The following MAP6 variants were observed in gnomAD, a reference collection of about 807,000 sequenced individuals.
MAP6 encodes the protein microtubule-associated protein 6.
MAP6 carries 26 observed loss-of-function variants against 42.4 expected under a neutral mutation model. The observed-to-expected ratio is 0.61, with a 90% CI of 0.45 to 0.85. MAP6 has a LOEUF of 0.85. Ranked by LOEUF, MAP6 falls within the 40% of genes least tolerant of loss-of-function variation. MAP6 has a pLI of 0.00. For synonymous variants in MAP6, 418 were observed against 443.8 expected, an observed-to-expected ratio of 0.94 and a Z score of 0.73; for missense variants, 966 against 1,099.0, an observed-to-expected ratio of 0.88 and a Z score of 1.71.
chr11:75,666,606 A>G (rs1013778852), intron 1 of MAP6, among the ~76,000 whole-genome samples: 1 of 152,248 alleles, frequency 6.6e-6, no homozygotes, highest in Non-Finnish European at 1.5e-5. Flanking sequence ...ACCAAGATGT[A>G]CTAATTACCA....
intron 1 of MAP6, among the ~76,000 whole-genome samples, chr11:75,630,620 T>TA (rs1943270552): frequency 6.6e-6 from 1 of 152,228 alleles, no homozygotes; most frequent in South Asian, 2.1e-4. Context: ...AGGTGTGACC[T>TA]ACTAGTCACT....
At position 75,668,497 on chromosome 11, in the gene MAP6, G is replaced by T; in HGVS notation, c.-128C>A. On this transcript the variant is annotated 5_prime_UTR_variant, in exon 1 of 4. Transcript: ENST00000304771. ...CACCGTTTTCTACCCCCGATCAGCC[G>T]GAGCTAGTTCGCCCTCCTCCCTCAG... 7.4e-7 allele frequency: 1 copy of T among 1,342,904 alleles called. No homozygotes were observed. The highest frequency in any genetic ancestry group is 2.9e-5 in the East Asian group (1 of 35,060). The allele number at this position is 1,342,904 out of a possible 1,614,324, so 83.2% of individuals were successfully genotyped here. A position where few individuals can be genotyped will look rare whatever the true frequency, so the allele number is the denominator to read the frequency against.
Position 75,605,904 on chromosome 11 carries a change from G to T in MAP6, c.1220C>A (p.Ala407Asp). 6.2e-7 allele frequency: 1 copy of T among 1,614,136 alleles called. No homozygotes were observed. Among genetic ancestry groups the T allele is most frequent in the South Asian group, 1.1e-5 (1 of 91,074 alleles). ...GCCCTCCGCGCTCTTTTTCTTGGCA[G>T]CCTGGCCTGACACCGCCTGCTTGTC... Reference protein sequence around the residue: ...AKDKQAVSGQAAKKKSAEGPS... With the variant: ...AKDKQAVSGQDAKKKSAEGPS... Residue 407 changes from alanine (A) to aspartate (D), a missense_variant, in exon 3 of 4, where the codon GCT becomes GAT. Ala to Asp is a moderately radical substitution (Grantham distance 126, BLOSUM62 -2). Transcript: ENST00000304771.
intron 1 of MAP6, among the ~76,000 whole-genome samples, chr11:75,659,471 G>A (rs1454875291): frequency 1.3e-5 from 2 of 152,212 alleles, no homozygotes; most frequent in African/African-American, 4.8e-5. Flanking sequence ...GATAGAGGAA[G>A]GGGAATCATA....
At chr11:75,589,770 C>T (rs1942443240) in intron 3 of MAP6, among the ~76,000 whole-genome samples, 1 of 152,202 alleles carries the variant, frequency 6.6e-6, no homozygotes. Context: ...GCACCTAGAG[C>T]ACCTTGTACT....
At chr11:75,590,642 A>G (rs373947865) in intron 3 of MAP6, among the ~76,000 whole-genome samples, 2 of 152,238 alleles carry the variant, frequency 1.3e-5, no homozygotes, top group Non-Finnish European at 1.5e-5. Context: ...TATAATTAAG[A>G]TTAAAATGAT....
In MAP6 at chr11:75,587,438, G is replaced by A. The variant is rs1476808848; in HGVS notation, c.2063C>T (p.Pro688Leu). ...GPVKDQDVVV[P>L]EHAKVHDSAV... ...AGAATCGTGAACCTTTGCATGCTCT[G>A]GGACTACAACATCTTGATCCTTGAC... Residue 688 changes from proline (P) to leucine (L), a missense_variant, in exon 4 of 4, where the codon CCA becomes CTA. This residue lies in a region of MAP6 where 943 missense variants were observed against 1,049.9 expected (regional missense o/e 0.90). Transcript: ENST00000304771. 2.7e-5 allele frequency: 43 copies of A among 1,614,118 alleles called. No individual in the cohort carries two copies. The highest frequency in any genetic ancestry group is 3.6e-5 in the Non-Finnish European group (43 of 1,180,014).
chr11:75,587,872 C>T lies in MAP6; in HGVS notation c.1629G>A (p.Met543Ile). The T allele has an allele frequency of 2.5e-6, 4 of 1,614,112 alleles. No individual in the cohort carries two copies. Among genetic ancestry groups the T allele is most frequent in the Non-Finnish European group, 3.4e-6 (4 of 1,180,032 alleles). The stretch of plus-strand genomic sequence containing the variant: ...CTTGATCCTTAACTTTTGCTGGAAC[C>T]ATAGGACTTTGATTCTTTGGAGGAA... ...VPVPPKNQSPMVPAKVKDQGS... is the reference protein window; with the variant it reads ...VPVPPKNQSPIVPAKVKDQGS... The change falls in exon 4 of 4, where the codon ATG (methionine) becomes ATA (isoleucine). Residue 543 changes from methionine (M) to isoleucine (I), a missense_variant. Around this residue, in one of 2 missense-constraint regions of MAP6, gnomAD observed 943 missense variants for 1,049.9 expected, o/e 0.90. Transcript: ENST00000304771.
At chr11:75,633,877 G>A (rs1054069253) in intron 1 of MAP6, among the ~76,000 whole-genome samples, 1 of 152,188 alleles carries the variant, frequency 6.6e-6, no homozygotes, top group Non-Finnish European at 1.5e-5. Context: ...AGAGGGATTT[G>A]GTTTAATCTT....
intron 2 of MAP6, among the ~76,000 whole-genome samples, chr11:75,606,662 T>C (rs1490869575): frequency 2.0e-5 from 3 of 152,218 alleles, no homozygotes; most frequent in Non-Finnish European, 4.4e-5. Flanking sequence ...TGGAGAAGCA[T>C]CCTCGCTGAG....
intron 1 of MAP6, among the ~76,000 whole-genome samples, chr11:75,641,666 G>C (rs1198969290): frequency 6.6e-6 from 1 of 152,176 alleles, no homozygotes; most frequent in Non-Finnish European, 1.5e-5. Context: ...ATGAGGGTCT[G>C]GCTAAAATGC....
intron 3 of MAP6, among the ~76,000 whole-genome samples, chr11:75,600,231 A>G (rs1218539064): frequency 6.6e-6 from 1 of 151,934 alleles, no homozygotes; most frequent in Non-Finnish European, 1.5e-5. Context: ...TGCTCCTCTG[A>G]GGGGGGGTAT....
intron 1 of MAP6, among the ~76,000 whole-genome samples, chr11:75,619,152 G>A (rs58567299): frequency 0.033 from 4,959 of 152,212 alleles, 232 homozygotes; most frequent in East Asian, 0.13. Flanking sequence ...AGTGAGGCAT[G>A]CATGTTAGTG....
intron 1 of MAP6, among the ~76,000 whole-genome samples, chr11:75,656,450 C>G (rs1019846462): frequency 6.6e-6 from 1 of 152,148 alleles, no homozygotes; most frequent in African/African-American, 2.4e-5. Flanking sequence ...ATACACAGCA[C>G]GGGTAGTTCC....
At chr11:75,652,559 C>T (rs1943665826) in intron 1 of MAP6, among the ~76,000 whole-genome samples, 1 of 152,088 alleles carries the variant, frequency 6.6e-6, no homozygotes, top group South Asian at 2.1e-4. Flanking sequence ...ACATCTGGGC[C>T]ATGCATGGTG....
chr11:75,668,001 C>G lies in MAP6; in HGVS notation c.369G>C (p.Gln123His). Residue 123 changes from glutamine (Q) to histidine (H), a missense_variant, in exon 1 of 4, where the codon CAG becomes CAC. Transcript: ENST00000304771. ...GCTGCACCTTCCAGGCTCGGTAATC[C>G]TGCCGCATCACCGAGTCCGCGGGGC... ...TSGPADSVMR[Q>H]DYRAWKVQRP... 8.0e-7 allele frequency: 1 copy of G among 1,243,182 alleles called. No individual in the cohort carries two copies. 77.0% of individuals were successfully genotyped at this position (1,243,182 alleles called of 1,614,324 possible).
At chr11:75,610,551 G>A (rs1387572200) in intron 1 of MAP6, among the ~76,000 whole-genome samples, 2 of 152,250 alleles carry the variant, frequency 1.3e-5, no homozygotes, top group African/African-American at 4.8e-5. Context: ...AGGCCATGGA[G>A]GCCATGCCAG....
chr11:75,610,474 G>A (rs1048158665), intron 1 of MAP6, among the ~76,000 whole-genome samples: 7 of 152,216 alleles, frequency 4.6e-5, no homozygotes, highest in African/African-American at 1.7e-4. Flanking sequence ...GCCCTGTGGG[G>A]ACCAACCTGC....
intron 1 of MAP6, among the ~76,000 whole-genome samples, chr11:75,650,869 TTTCTC>T (rs772901747): frequency 1.3e-4 from 20 of 152,178 alleles, no homozygotes; most frequent in Non-Finnish European, 2.2e-4. Flanking sequence ...TGATTACTAA[TTTCTC>T]TTGTGTTCCT....
Sources: allele counts gnomAD v4.1 joint callset (sites outside exome capture counted in the v4.1 genomes callset), GRCh38; gene constraint gnomAD v4.1.1; regional missense constraint gnomAD v4.1.1; transcripts MANE v1.5; gene names NCBI Gene and HGNC (gene_info 2026-07-23, HGNC 2026-07-21).